The following FNBP1 variants were observed in gnomAD, a reference collection of about 807,000 sequenced individuals.
FNBP1 encodes formin binding protein 1, also known as formin-binding protein 1.
A neutral mutation model predicts 90.6 loss-of-function variants in FNBP1; 26 were observed. The ratio of observed to expected loss-of-function variants is 0.29; its 90% CI spans 0.21 to 0.40. The LOEUF (loss-of-function observed/expected upper bound fraction) is 0.40. Ranked by LOEUF, FNBP1 falls within the 10% of genes least tolerant of loss-of-function variation. FNBP1 has a pLI of 1.00. For missense variants in FNBP1, 635 were observed against 768.0 expected, an observed-to-expected ratio of 0.83 and a Z score of 2.05; for synonymous variants, 260 against 265.2, an observed-to-expected ratio of 0.98 and a Z score of 0.19.
At chr9:130,011,885 C>T (rs890537343) in intron 1 of FNBP1, among the ~76,000 whole-genome samples, 1 of 152,156 alleles carries the variant, frequency 6.6e-6, no homozygotes, top group East Asian at 1.9e-4. Context: ...AAAACCCCAA[C>T]AAGTTTTCTG....
intron 16 of FNBP1, among the ~76,000 whole-genome samples, chr9:129,892,341 G>A (rs1425223705): frequency 7.0e-6 from 1 of 142,424 alleles, no homozygotes; most frequent in Non-Finnish European, 1.5e-5. Context: ...AAATATTTTG[G>A]CAATTATTAA....
chr9:129,932,524 T>G (rs753650989), intron 6 of FNBP1, among the ~76,000 whole-genome samples: 1 of 152,232 alleles, frequency 6.6e-6, no homozygotes, highest in Non-Finnish European at 1.5e-5. Flanking sequence ...TTCTTCCCTA[T>G]TCACACGTGA....
chr9:129,993,707 C>A (rs959702342), intron 2 of FNBP1, among the ~76,000 whole-genome samples: 2 of 150,772 alleles, frequency 1.3e-5, no homozygotes, highest in East Asian at 1.9e-4. Flanking sequence ...TCACTGCAAC[C>A]TCCACCTCCC....
chr9:129,993,008 C>T (rs183889869), intron 2 of FNBP1, among the ~76,000 whole-genome samples: 2,164 of 150,242 alleles, frequency 0.014, 32 homozygotes, highest in Admixed American at 0.029. Flanking sequence ...AGGCGGATCA[C>T]TTGAGGTCAG....
intron 4 of FNBP1, among the ~76,000 whole-genome samples, chr9:129,959,978 C>T (rs1355836062): frequency 6.6e-6 from 1 of 152,122 alleles, no homozygotes; most frequent in Non-Finnish European, 1.5e-5. Context: ...TCAAGGTCGA[C>T]ATTGTCACAT....
intron 2 of FNBP1, among the ~76,000 whole-genome samples, chr9:129,992,044 G>A (rs1453088714): frequency 2.6e-5 from 4 of 152,188 alleles, no homozygotes; most frequent in African/African-American, 2.4e-5. Flanking sequence ...ATCCATATCT[G>A]TGAGTCATTG....
intron 9 of FNBP1, among the ~76,000 whole-genome samples, chr9:129,924,384 T>G (rs945294059): frequency 6.6e-6 from 1 of 152,220 alleles, no homozygotes; most frequent in Non-Finnish European, 1.5e-5. Context: ...ATGAAAGACC[T>G]TCAATGCTAA....
intron 10 of FNBP1, chr9:129,919,325 AT>A (rs2040749145): frequency 3.2e-6 from 2 of 632,946 alleles, no homozygotes; most frequent in Non-Finnish European, 4.9e-6. Context: ...ACTGGTAAGG[AT>A]TTTCAAAATC....
chr9:129,924,094 G>C, intron 9 of FNBP1, 68 bp from the exon 10 acceptor site: 1 of 1,439,726 alleles, frequency 6.9e-7, no homozygotes, highest in Non-Finnish European at 9.1e-7. Context: ...ACAAAAATAA[G>C]CATCAAATAA....
At chr9:129,937,773 G>C (rs2043703669) in intron 6 of FNBP1, among the ~76,000 whole-genome samples, 1 of 151,890 alleles carries the variant, frequency 6.6e-6, no homozygotes. Context: ...GTTTGCCTTT[G>C]ACAAATTTAT....
chr9:130,010,764 C>CTT (rs111591184), intron 1 of FNBP1, among the ~76,000 whole-genome samples: 18,775 of 140,480 alleles, frequency 0.13, 1,653 homozygotes, highest in Middle Eastern at 0.23. Context: ...TTCTTTGGGT[C>CTT]TTTTTTTTTT....
chr9:129,922,951 G>A (rs906838791), intron 10 of FNBP1, among the ~76,000 whole-genome samples: 5 of 151,906 alleles, frequency 3.3e-5, no homozygotes, highest in Non-Finnish European at 5.9e-5. Context: ...GAACTCCTGA[G>A]CTCAAGTAAT....
chr9:129,935,427 T>A (rs1006151463), intron 6 of FNBP1, among the ~76,000 whole-genome samples: 2 of 152,144 alleles, frequency 1.3e-5, no homozygotes, highest in Middle Eastern at 3.2e-3. Context: ...ATGAGGCATG[T>A]GGTATAACCG....
intron 6 of FNBP1, among the ~76,000 whole-genome samples, chr9:129,942,829 T>C (rs565201844): frequency 1.3e-5 from 2 of 150,122 alleles, no homozygotes; most frequent in Non-Finnish European, 3.0e-5. Flanking sequence ...CATCCTGCCA[T>C]TTGGCTTTTT....
intron 15 of FNBP1, among the ~76,000 whole-genome samples, chr9:129,897,677 C>T (rs2036023556): frequency 6.6e-6 from 1 of 152,046 alleles, no homozygotes; most frequent in Non-Finnish European, 1.5e-5. Flanking sequence ...CTCACTGTAG[C>T]CCTGAACTCT....
At chr9:129,941,960 A>G (rs150123695) in intron 6 of FNBP1, among the ~76,000 whole-genome samples, 5,190 of 151,996 alleles carry the variant, frequency 0.034, 158 homozygotes, top group African/African-American at 0.078. Context: ...AATCCCAGCT[A>G]CTTGGGAGGC....
chr9:129,903,053 A>G (rs76301670), intron 12 of FNBP1, 52 bp from the exon 13 acceptor site: 3 of 1,492,970 alleles, frequency 2.0e-6, no homozygotes, highest in Admixed American at 4.1e-5. Flanking sequence ...TTTTTTTTTT[A>G]GACAGTTTCA....
chr9:129,888,427 C>T lies in FNBP1; in HGVS notation c.*2112G>A. On this transcript the variant is annotated 3_prime_UTR_variant, in exon 17 of 17. Transcript: ENST00000446176. Reference sequence around the variant, plus strand: ...TGTGGGGACTGCCACACTCACCATGCACCTGTTGGTTTGCAGGGACAGAGG... The same window carrying T: ...TGTGGGGACTGCCACACTCACCATGTACCTGTTGGTTTGCAGGGACAGAGG... 4.3e-6 allele frequency: 1 copy of T among 232,776 alleles called. No homozygotes were observed. Among genetic ancestry groups the T allele is most frequent in the East Asian group, 6.1e-5 (1 of 16,510 alleles). The allele number at this position is 232,776 out of a possible 1,614,324, so 14.4% of individuals were successfully genotyped here.
At chr9:129,949,213 C>T (rs2045803239) in intron 6 of FNBP1, among the ~76,000 whole-genome samples, 1 of 152,138 alleles carries the variant, frequency 6.6e-6, no homozygotes, top group Non-Finnish European at 1.5e-5. Flanking sequence ...AAGTTCAAAA[C>T]TCTATGACAG....
Sources: gnomAD v4.1 joint callset for allele counts (sites outside exome capture counted in the v4.1 genomes callset) on GRCh38, gnomAD v4.1.1 for gene constraint, MANE v1.5 for transcripts, NCBI Gene and HGNC (gene_info 2026-07-23, HGNC 2026-07-21) for gene names.